Variants in VPS13A observed in about 807,000 individuals in gnomAD.
The protein encoded by VPS13A is intermembrane lipid transfer protein VPS13A.
A neutral mutation model predicts 390.9 loss-of-function variants in VPS13A; 264 were observed. The ratio of observed to expected loss-of-function variants is 0.68; its 90% CI spans 0.61 to 0.75. The LOEUF is 0.75. Ranked by LOEUF, VPS13A falls within the 30% of genes least tolerant of loss-of-function variation. VPS13A has a pLI of 0.00. For synonymous variants in VPS13A, 1,231 were observed against 1,227.1 expected, an observed-to-expected ratio of 1.00 and a Z score of -0.07; for missense variants, 3,409 against 3,733.9, an observed-to-expected ratio of 0.91 and a Z score of 2.27.
chr9:77,395,873 A>G (rs1453686868), intron 68 of VPS13A: 4 of 152,192 alleles, frequency 2.6e-5, no homozygotes, highest in African/African-American at 9.7e-5. Flanking sequence ...TTCAAGGTTA[A>G]CAGAGTAGTT....
chr9:77,182,906 C>T lies in VPS13A; in HGVS notation c.100+5102C>T, dbSNP rs546576459. ...GTTTAGTGGCCACTTAGCTGGATAC[C>T]GCCATGATACCAGAAGCAGTACAAA... On this transcript the variant is annotated intron_variant, in intron 1 of 71. Coordinates refer to ENST00000360280, the MANE Select transcript of VPS13A (RefSeq NM_033305.3). 3.9e-5 allele frequency among the ~76,000 whole-genome samples: 6 copies of T among 152,120 alleles called. No individual in the cohort carries two copies. The South Asian group carries it at 6.2e-4, about 16-fold the overall frequency.
At chr9:77,208,562 T>G (rs1825804064) in intron 5 of VPS13A, among the ~76,000 whole-genome samples, 1 of 152,140 alleles carries the variant, frequency 6.6e-6, no homozygotes, top group Non-Finnish European at 1.5e-5. Context: ...GTTTTTCTTT[T>G]TTTTTGAGAC....
At chr9:77,370,354 A>T in intron 64 of VPS13A, 22 bp downstream of exon 64, 10 of 1,614,156 alleles carry the variant, frequency 6.2e-6, no homozygotes, top group Non-Finnish European at 8.5e-6. Flanking sequence ...AATATCTACC[A>T]AGTATTTTTG....
At chr9:77,318,020 T>A (rs1829507149) in intron 40 of VPS13A, among the ~76,000 whole-genome samples, 1 of 151,916 alleles carries the variant, frequency 6.6e-6, no homozygotes, top group Non-Finnish European at 1.5e-5. Context: ...TGGAATAATA[T>A]CTGCAAGATT....
At position 77,339,889 on chromosome 9, in the gene VPS13A, A is replaced by G; in HGVS notation, c.6752A>G (p.Asn2251Ser). 1.2e-6 allele frequency: 2 copies of G among 1,611,934 alleles called. No homozygotes were observed. Among genetic ancestry groups the G allele is most frequent in the Non-Finnish European group, 1.7e-6 (2 of 1,179,886 alleles). ...KKPVLFSFQP[N>S]HFFNNNKVQL... ...CCAGTTCTCTTTTCTTTTCAGCCAA[A>G]TCACTTTTTTAATAACAATAAGGTA... The change falls in exon 48 of 72, where the codon AAT becomes AGT. Residue 2251 changes from asparagine to serine, a missense_variant. By Grantham distance (46) the Asn-to-Ser change is conservative. This residue lies in a region of VPS13A where 2,717 missense variants were observed against 2,917.4 expected (regional missense o/e 0.93). Coordinates refer to ENST00000360280, the MANE Select transcript of VPS13A (RefSeq NM_033305.3).
At chr9:77,325,327 C>T (rs1414434749) in intron 45 of VPS13A, among the ~76,000 whole-genome samples, 1 of 151,972 alleles carries the variant, frequency 6.6e-6, no homozygotes, top group African/African-American at 2.4e-5. Flanking sequence ...CAGCCCATGG[C>T]TCAAGGGCTG....
intron 1 of VPS13A, among the ~76,000 whole-genome samples, chr9:77,191,197 T>G (rs1417606465): frequency 1.3e-5 from 2 of 152,150 alleles, no homozygotes; most frequent in African/African-American, 4.8e-5. Context: ...ACTTTCCTCT[T>G]AAGACTACAT....
intron 1 of VPS13A, among the ~76,000 whole-genome samples, chr9:77,179,825 C>T (rs1823900307): frequency 6.6e-6 from 1 of 151,970 alleles, no homozygotes; most frequent in Admixed American, 6.6e-5. Flanking sequence ...TTCAGCACCC[C>T]AAAATTAAAT....
chr9:77,385,561 A>G (rs1045418178), intron 68 of VPS13A, among the ~76,000 whole-genome samples: 2 of 152,040 alleles, frequency 1.3e-5, no homozygotes, highest in African/African-American at 2.4e-5. Flanking sequence ...TAGTAAATCT[A>G]TTTTATGTTT....
rs373237473 is a variant in VPS13A at position 77,295,626 on chromosome 9, A to C, written c.3592A>C (p.Lys1198Gln). The C allele has an allele frequency of 1.3e-5, 21 of 1,613,926 alleles. No homozygotes were observed. Among genetic ancestry groups the C allele is most frequent in the Non-Finnish European group, 1.6e-5 (19 of 1,179,966 alleles). The change falls in exon 33 of 72, where the codon AAA (lysine) becomes CAA (glutamine). Residue 1198 changes from lysine (K) to glutamine (Q), a missense_variant. This residue lies in a region of VPS13A where 2,717 missense variants were observed against 2,917.4 expected (regional missense o/e 0.93). Coordinates refer to ENST00000360280, the MANE Select transcript of VPS13A (RefSeq NM_033305.3). ...QAAGMAATGVKELAQRSSRMA... is the reference protein window; with the variant it reads ...QAAGMAATGVQELAQRSSRMA... ...AGCTGGAATGGCTGCTACTGGTGTA[A>C]AAGAACTCGCACAAAGGAGTTCCAG... is the stretch of plus-strand genomic sequence containing the variant.
intron 11 of VPS13A, 30 bp from the exon 12 acceptor site, chr9:77,220,247 A>C (rs1823119842): frequency 2.5e-6 from 4 of 1,586,370 alleles, no homozygotes; most frequent in Non-Finnish European, 3.4e-6. Flanking sequence ...AATGTGATAC[A>C]TTTAAGAGCT....
chr9:77,237,708 C>T (rs1824234294), intron 17 of VPS13A, among the ~76,000 whole-genome samples: 1 of 152,102 alleles, frequency 6.6e-6, no homozygotes, highest in Non-Finnish European at 1.5e-5. Context: ...TGTTTATAGA[C>T]TTGTGTTAAA....
intron 34 of VPS13A, among the ~76,000 whole-genome samples, chr9:77,306,482 G>C (rs2131405422): frequency 6.7e-6 from 1 of 148,956 alleles, no homozygotes; most frequent in Admixed American, 6.7e-5. Context: ...CTTATTTTAA[G>C]GAATTGGTGT....
chr9:77,221,079 C>T (rs777722254), intron 12 of VPS13A, 106 bp from the exon 13 acceptor site: 1 of 1,101,572 alleles, frequency 9.1e-7, no homozygotes, highest in Non-Finnish European at 1.4e-6. Context: ...TATCATTTTC[C>T]TAATCTTTGT....
intron 56 of VPS13A, 144 bp downstream of exon 56, chr9:77,357,982 GTCTCC>G: frequency 1.4e-6 from 1 of 709,974 alleles, no homozygotes; most frequent in Non-Finnish European, 2.1e-6. Flanking sequence ...TTGAGACAGA[GTCTCC>G]CTCTGTCGCC....
At chr9:77,185,774 T>G (rs113611018) in intron 1 of VPS13A, among the ~76,000 whole-genome samples, 39 of 152,350 alleles carry the variant, frequency 2.6e-4, no homozygotes, top group African/African-American at 7.5e-4. Flanking sequence ...AACAATTTAT[T>G]TAAGTGGTTG....
Position 77,316,351 on chromosome 9 carries a change from T to C in VPS13A, c.4808T>C (p.Leu1603Pro). Residue 1603 changes from leucine (L) to proline (P), a missense_variant, in exon 39 of 72, where the codon CTC (leucine) becomes CCC (proline). Leu to Pro is a moderately conservative substitution (Grantham distance 98, BLOSUM62 -3). Transcript: ENST00000360280. ...NSTMTAAIKD[L>P]QVRACPFLPV... is the part of the protein sequence containing the mutation. ...ACAATGACTGCTGCCATTAAAGATC[T>C]CCAAGTGAGAGCCTGCCCGTTTCTT... The C allele has an allele frequency of 1.2e-6, 2 of 1,613,178 alleles. No individual in the cohort carries two copies. Among genetic ancestry groups the C allele is most frequent in the Non-Finnish European group, 1.7e-6 (2 of 1,179,380 alleles).
intron 68 of VPS13A, chr9:77,382,572 A>G: frequency 8.9e-7 from 1 of 1,129,568 alleles, no homozygotes; most frequent in Non-Finnish European, 1.1e-6. Context: ...TTGTGGGGTT[A>G]TTAAACCACT....
intron 1 of VPS13A, among the ~76,000 whole-genome samples, chr9:77,192,140 G>C (rs902328979): frequency 6.6e-6 from 1 of 152,108 alleles, no homozygotes; most frequent in Non-Finnish European, 1.5e-5. Context: ...TTTCAAGTCT[G>C]TTTTGTCTGA....
Sources: gnomAD v4.1 joint callset for allele counts (sites outside exome capture counted in the v4.1 genomes callset) on GRCh38, gnomAD v4.1.1 for gene constraint, gnomAD v4.1.1 regional missense constraint, MANE v1.5 for transcripts, NCBI Gene and HGNC (gene_info 2026-07-23, HGNC 2026-07-21) for gene names.